Variants in NDUFA7 observed in about 807,000 individuals in gnomAD.
NDUFA7 encodes the protein NADH:ubiquinone oxidoreductase subunit A7.
In NDUFA7, 18 loss-of-function variants were observed where a neutral mutation model predicts 14.2. That is an observed-to-expected ratio of 1.27 (90% CI 0.88 to 1.88). NDUFA7 has a LOEUF of 1.88. Ranked by LOEUF, NDUFA7 falls within the 40% of genes most tolerant of loss-of-function variation. The probability of loss-of-function intolerance (pLI) is 0.00; values close to 1 mark genes in which losing one functional copy is unlikely to be tolerated. For missense variants in NDUFA7, 172 were observed against 147.3 expected, an observed-to-expected ratio of 1.17 and a Z score of -0.87; for synonymous variants, 75 against 62.1, an observed-to-expected ratio of 1.21 and a Z score of -0.98.
rs781196681 is a variant in NDUFA7 at position 8,321,346 on chromosome 19, T to G, written c.13A>C (p.Thr5Pro). The G allele has an allele frequency of 2.2e-5, 35 of 1,576,614 alleles. 1 individual carries two copies. In the South Asian group the frequency reaches 3.7e-4, roughly 17 times the overall value. Reference protein sequence around the residue: MASATRLIQRLRNWA... With the variant: MASAPRLIQRLRNWA... Reference sequence around the variant, plus strand: ...TTCCGCAGCCGCTGGATGAGACGGGTGGCGGACGCCATCTTCCGTCCGCGA... The same window carrying G: ...TTCCGCAGCCGCTGGATGAGACGGGGGGCGGACGCCATCTTCCGTCCGCGA... The change falls in exon 1 of 4, where the codon ACC (threonine) becomes CCC (proline). Residue 5 changes from threonine to proline, a missense_variant. Thr to Pro is a conservative substitution (Grantham distance 38, BLOSUM62 -1). Coordinates refer to ENST00000301457, the MANE Select transcript of NDUFA7 (RefSeq NM_005001.5).
downstream of NDUFA7, among the ~76,000 whole-genome samples, chr19:8,310,148 G>C (rs1342609758): frequency 2.0e-5 from 3 of 152,184 alleles, no homozygotes; most frequent in Non-Finnish European, 4.4e-5. Context: ...ATGGAAGTTA[G>C]GCCAGGCGCG....
chr19:8,316,787 T>C (rs1970241115), intron 2 of NDUFA7, 142 bp from the exon 3 acceptor site: 6 of 965,474 alleles, frequency 6.2e-6, no homozygotes, highest in Middle Eastern at 2.9e-4. Context: ...TGTCCCTTGG[T>C]ACACTGGCAG....
At chr19:8,311,112 C>T (rs1246470294), downstream of NDUFA7, among the ~76,000 whole-genome samples, 1 of 152,182 alleles carries the variant, frequency 6.6e-6, no homozygotes, top group Non-Finnish European at 1.5e-5. Flanking sequence ...TGGTTTCTGG[C>T]TCAGGGAGGC....
Position 8,311,599 on chromosome 19 carries a change from G to A in NDUFA7, c.252-4C>T, listed in dbSNP as rs1970178442. On this transcript the variant is annotated splice_region_variant and splice_polypyrimidine_tract_variant and intron_variant, in intron 3 of 3. Coordinates refer to ENST00000301457, the MANE Select transcript of NDUFA7 (RefSeq NM_005001.5). ...CTCAGTGGCAGCTACAGCAGAGCTGGAGGAGGGAAAGACTTCAGTGAGGGT... is the reference window on the plus strand; with the variant it reads ...CTCAGTGGCAGCTACAGCAGAGCTGAAGGAGGGAAAGACTTCAGTGAGGGT... The A allele has an allele frequency of 1.2e-6, 2 of 1,610,886 alleles. No individual in the cohort carries two copies. The highest frequency in any genetic ancestry group is 3.4e-5 in the Admixed American group (2 of 59,636).
intron 2 of NDUFA7, among the ~76,000 whole-genome samples, chr19:8,320,398 G>A (rs1970288521): frequency 6.6e-6 from 1 of 152,144 alleles, no homozygotes; most frequent in African/African-American, 2.4e-5. Context: ...GAACTTTCCT[G>A]GTTCACAAAG....
rs1016441822 is a variant in NDUFA7, at chr19:8,315,800, C to T, written c.251+696G>A. 2.6e-5 allele frequency among the ~76,000 whole-genome samples: 4 copies of T among 152,164 alleles called. No homozygotes were observed. The South Asian group carries it at 8.3e-4, about 32-fold the overall frequency. On this transcript the variant is annotated intron_variant, in intron 3 of 3. Transcript: ENST00000301457. ...AGGAACACCCACAGGTGTGGAGGGGCAACCCACCCCTTCAGCCTGGGCGAC... is the reference window on the plus strand; with the variant it reads ...AGGAACACCCACAGGTGTGGAGGGGTAACCCACCCCTTCAGCCTGGGCGAC...
At chr19:8,320,200 T>A (rs1490009754) in intron 2 of NDUFA7, among the ~76,000 whole-genome samples, 1 of 152,220 alleles carries the variant, frequency 6.6e-6, no homozygotes, top group African/African-American at 2.4e-5. Flanking sequence ...CTTCCCATCA[T>A]TCAGGGGACT....
chr19:8,314,494 G>A (rs138067065), intron 3 of NDUFA7, among the ~76,000 whole-genome samples: 5 of 152,110 alleles, frequency 3.3e-5, no homozygotes, highest in African/African-American at 1.2e-4. Flanking sequence ...TGCTGAGCAT[G>A]GTGACTCTCA....
chr19:8,318,101 A>G (rs998861242), intron 2 of NDUFA7, among the ~76,000 whole-genome samples: 9 of 152,148 alleles, frequency 5.9e-5, no homozygotes, highest in African/African-American at 2.2e-4. Flanking sequence ...GTGGTGGCTC[A>G]TACCTTGGGA....
rs760965477 is a variant in NDUFA7 at position 8,311,503 on chromosome 19, T to C, written c.*2A>G. 3.0e-5 allele frequency: 48 copies of C among 1,601,816 alleles called. No homozygotes were observed. The highest frequency in any genetic ancestry group is 4.0e-5 in the Non-Finnish European group (47 of 1,173,406). On this transcript the variant is annotated 3_prime_UTR_variant, in exon 4 of 4. Coordinates refer to ENST00000301457, the MANE Select transcript of NDUFA7 (RefSeq NM_005001.5). Reference sequence around the variant, plus strand: ...TAGTCGGGTGGCCGTGAGGGTGCAGTGTCACAGGTAAGGCTGGTCCGAGGA... The same window carrying C: ...TAGTCGGGTGGCCGTGAGGGTGCAGCGTCACAGGTAAGGCTGGTCCGAGGA...
At chr19:8,317,341 T>C (rs1194326658) in intron 2 of NDUFA7, among the ~76,000 whole-genome samples, 1 of 151,940 alleles carries the variant, frequency 6.6e-6, no homozygotes, top group Non-Finnish European at 1.5e-5. Flanking sequence ...CCGAGGTGGG[T>C]GGATCACTTG....
At chr19:8,320,816 G>C in intron 2 of NDUFA7, 41 bp downstream of exon 2, 1 of 1,612,686 alleles carries the variant, frequency 6.2e-7, no homozygotes, top group East Asian at 2.2e-5. Flanking sequence ...GGTGGAGAAA[G>C]GACAGAGCCA....
downstream of NDUFA7, among the ~76,000 whole-genome samples, chr19:8,309,250 G>A (rs560595930): frequency 3.3e-5 from 5 of 152,056 alleles, no homozygotes; most frequent in East Asian, 1.9e-4. Context: ...CGAGGCAGGC[G>A]GATCACGAGG....
chr19:8,321,135 G>C (rs1396990243), intron 1 of NDUFA7, 173 bp downstream of exon 1: 1 of 938,532 alleles, frequency 1.1e-6, no homozygotes, highest in African/African-American at 1.7e-5. Context: ...GGCCTGAGTG[G>C]TTCCCAGGCC....
chr19:8,317,061 T>C (rs1006755562), intron 2 of NDUFA7, among the ~76,000 whole-genome samples: 5 of 152,166 alleles, frequency 3.3e-5, no homozygotes, highest in African/African-American at 7.2e-5. Context: ...TTTCCTGTTA[T>C]CTCAGGAAGT....
intron 3 of NDUFA7, 97 bp from the exon 4 acceptor site, chr19:8,311,692 G>A: frequency 1.0e-6 from 1 of 965,000 alleles, no homozygotes. Flanking sequence ...CACCCACAGG[G>A]ACTTTCTGGA....
intron 3 of NDUFA7, among the ~76,000 whole-genome samples, chr19:8,314,976 T>C (rs904503301): frequency 3.3e-5 from 5 of 152,196 alleles, no homozygotes; most frequent in Non-Finnish European, 7.3e-5. Context: ...TCTGTAATCT[T>C]ACCCCCAACC....
rs532995788 is a variant in NDUFA7, at chr19:8,316,574, T to G, written c.173A>C (p.Asp58Ala). The G allele has an allele frequency of 1.2e-6, 2 of 1,614,060 alleles. No homozygotes were observed. The highest frequency in any genetic ancestry group is 2.2e-5 in the East Asian group (1 of 44,878). ...KLSNNYYCTR[D>A]GRRESVPPSI... is the part of the protein sequence containing the mutation. The stretch of plus-strand genomic sequence containing the variant: ...AGGGGGCACAGATTCCCGGCGGCCA[T>G]CGCGAGTGCAATAGTAATTGTTGGA... The change falls in exon 3 of 4, where the codon GAT becomes GCT. Residue 58 changes from aspartate to alanine, a missense_variant. By Grantham distance (126) the Asp-to-Ala change is moderately radical (BLOSUM62 -2). Transcript: ENST00000301457.
At chr19:8,308,817 A>G (rs1352336888), downstream of NDUFA7, 1 of 153,882 alleles carries the variant, frequency 6.5e-6, no homozygotes, top group Non-Finnish European at 1.4e-5. Flanking sequence ...CTTGACTCAT[A>G]GTAGGCTCTT....
Sources: allele counts gnomAD v4.1 joint callset (sites outside exome capture counted in the v4.1 genomes callset), GRCh38; gene constraint gnomAD v4.1.1; transcripts MANE v1.5; gene names NCBI Gene and HGNC (gene_info 2026-07-23, HGNC 2026-07-21).